SLIT3: variants seen among roughly 807,000 people sequenced by gnomAD.
SLIT3 encodes the protein slit homolog 3 protein.
Under a neutral mutation model 184.0 loss-of-function variants are expected in SLIT3, and 68 were observed. That is an observed-to-expected ratio of 0.37 (90% CI 0.30 to 0.45). The LOEUF (loss-of-function observed/expected upper bound fraction) is 0.45. Among genes scored for constraint, SLIT3 ranks in the 20% least tolerant of loss-of-function variants. The pLI is 1.00. For synonymous variants in SLIT3, 831 were observed against 828.6 expected (o/e 1.00, Z -0.05); for missense variants, 1,707 against 2,026.0 (o/e 0.84, Z 3.02).
intron 4 of SLIT3, among the ~76,000 whole-genome samples, chr5:169,140,308 CAAAAAAAAAAAAAA>C (rs10536624): frequency 9.5e-5 from 4 of 42,046 alleles, no homozygotes; most frequent in Non-Finnish European, 1.8e-4. Context: ...ACTAAAAATG[CAAAAAAAAAAAAAA>C]AAAAAAAAAA....
intron 1 of SLIT3, among the ~76,000 whole-genome samples, chr5:169,266,598 C>T (rs1766404495): frequency 6.6e-6 from 1 of 152,154 alleles, no homozygotes; most frequent in Non-Finnish European, 1.5e-5. Context: ...CATAAGCCAC[C>T]TACCACCACC....
At chr5:168,878,665 C>T (rs535720139) in intron 5 of SLIT3, among the ~76,000 whole-genome samples, 1 of 151,506 alleles carries the variant, frequency 6.6e-6, no homozygotes, top group East Asian at 1.9e-4. Context: ...AACTTATACA[C>T]ATTGATGAAA....
intron 4 of SLIT3, among the ~76,000 whole-genome samples, chr5:168,949,212 G>C (rs2113233547): frequency 6.6e-6 from 1 of 152,324 alleles, no homozygotes; most frequent in Admixed American, 6.5e-5. Context: ...AACCTGACTG[G>C]ATTTGGTTAA....
At chr5:169,226,794 A>G (rs540688712) in intron 3 of SLIT3, among the ~76,000 whole-genome samples, 1 of 152,180 alleles carries the variant, frequency 6.6e-6, no homozygotes, top group Admixed American at 6.5e-5. Context: ...AGGCTCAAAG[A>G]CTCAGGTAAG....
Position 168,762,575 on chromosome 5 carries a change from C to A in SLIT3, c.1574G>T (p.Arg525Leu), listed in dbSNP as rs369305666. Residue 525 changes from arginine (R) to leucine (L), a missense_variant, in exon 15 of 36, where the codon CGC becomes CTC. Physicochemically the swap from Arg to Leu is moderately radical, Grantham distance 102. Around this residue, in one of 3 missense-constraint regions of SLIT3, gnomAD observed 1,307 missense variants for 1,511.6 expected, o/e 0.86. Transcript: ENST00000519560. ...ATATTCAGGGAGGTGGCTTGGGATG[C>A]GGACCAGCTTCTGGTTGGAGCAGTC... ...IVDCSNQKLV[R>L]IPSHLPEYVT... The A allele has an allele frequency of 3.1e-6, 5 of 1,613,852 alleles. No individual in the cohort carries two copies. Among genetic ancestry groups the A allele is most frequent in the East Asian group, 2.2e-5 (1 of 44,874 alleles).
At chr5:168,854,365 G>A (rs1192196382) in intron 5 of SLIT3, among the ~76,000 whole-genome samples, 3 of 147,248 alleles carry the variant, frequency 2.0e-5, no homozygotes, top group Non-Finnish European at 3.0e-5. Flanking sequence ...GGGGTGGGGG[G>A]AGCAGCACAC....
At chr5:169,272,233 T>A (rs1766652621) in intron 1 of SLIT3, among the ~76,000 whole-genome samples, 1 of 152,194 alleles carries the variant, frequency 6.6e-6, no homozygotes, top group Non-Finnish European at 1.5e-5. Flanking sequence ...ACCACACACC[T>A]CCACCCTGAC....
intron 4 of SLIT3, among the ~76,000 whole-genome samples, chr5:168,987,282 T>C (rs1755162470): frequency 6.6e-6 from 1 of 152,224 alleles, no homozygotes; most frequent in African/African-American, 2.4e-5. Context: ...TCTTCCTTTA[T>C]GTTCACCAAG....
At chr5:168,986,987 G>T (rs1308302750) in intron 4 of SLIT3, among the ~76,000 whole-genome samples, 3 of 152,232 alleles carry the variant, frequency 2.0e-5, no homozygotes, top group African/African-American at 7.2e-5. Context: ...GGCAGAGGTT[G>T]CAGTGAGCTG....
intron 1 of SLIT3, among the ~76,000 whole-genome samples, chr5:169,265,411 G>A (rs1766360112): frequency 6.6e-6 from 1 of 152,132 alleles, no homozygotes; most frequent in African/African-American, 2.4e-5. Context: ...ATCATAAGCT[G>A]GTACTAAGAG....
At chr5:168,960,379 GC>G (rs1232858881) in intron 4 of SLIT3, among the ~76,000 whole-genome samples, 1 of 152,192 alleles carries the variant, frequency 6.6e-6, no homozygotes, top group Admixed American at 6.5e-5. Context: ...CCTACTATAT[GC>G]CAGGAATTGT....
At position 169,098,814 on chromosome 5, in the gene SLIT3, C is replaced by T. The variant is rs138434676; in HGVS notation, c.413+94665G>A. 9.9e-3 allele frequency among the ~76,000 whole-genome samples: 1,513 copies of T among 152,324 alleles called. 13 individuals are homozygous for T. The highest frequency in any genetic ancestry group is 0.027 in the Middle Eastern group (8 of 294). Reference sequence around the variant, plus strand: ...AGCAGGATTCACATTTTTCCAACCTCTTTGTACTTTTCTCTCCCAAAGGAG... The same window carrying T: ...AGCAGGATTCACATTTTTCCAACCTTTTTGTACTTTTCTCTCCCAAAGGAG... On this transcript the variant is annotated intron_variant, in intron 4 of 35. Coordinates refer to ENST00000519560, the MANE Select transcript of SLIT3 (RefSeq NM_003062.4).
intron 4 of SLIT3, among the ~76,000 whole-genome samples, chr5:169,178,130 C>A (rs1763039634): frequency 6.6e-6 from 1 of 152,236 alleles, no homozygotes; most frequent in Non-Finnish European, 1.5e-5. Context: ...GTATCATCAA[C>A]ATCCTTTTCT....
intron 4 of SLIT3, among the ~76,000 whole-genome samples, chr5:168,929,816 A>G (rs1430926395): frequency 6.6e-6 from 1 of 152,228 alleles, no homozygotes; most frequent in East Asian, 1.9e-4. Flanking sequence ...TGGAATGCAT[A>G]TGGGCCACGG....
At chr5:169,199,581 A>G (rs1763851219) in intron 3 of SLIT3, among the ~76,000 whole-genome samples, 1 of 152,156 alleles carries the variant, frequency 6.6e-6, no homozygotes, top group African/African-American at 2.4e-5. Context: ...AGCACTTTAC[A>G]TGCACTACCT....
chr5:169,249,811 A>C (rs1237088239), intron 2 of SLIT3, among the ~76,000 whole-genome samples: 1 of 152,234 alleles, frequency 6.6e-6, no homozygotes, highest in Non-Finnish European at 1.5e-5. Flanking sequence ...TGCTGGGGCA[A>C]AAGACTTGGC....
At chr5:168,731,356 T>G (rs1453997109) in intron 20 of SLIT3, among the ~76,000 whole-genome samples, 1 of 151,862 alleles carries the variant, frequency 6.6e-6, no homozygotes, top group Non-Finnish European at 1.5e-5. Context: ...GATGAATTCA[T>G]AGCTGAATTC....
At chr5:169,265,553 T>C (rs901761013) in intron 1 of SLIT3, among the ~76,000 whole-genome samples, 3 of 152,194 alleles carry the variant, frequency 2.0e-5, no homozygotes, top group African/African-American at 7.2e-5. Flanking sequence ...AACATAGCGC[T>C]TAAGGTGGCA....
intron 4 of SLIT3, among the ~76,000 whole-genome samples, chr5:169,003,625 T>C (rs997224856): frequency 2.0e-5 from 3 of 152,226 alleles, no homozygotes; most frequent in Non-Finnish European, 4.4e-5. Flanking sequence ...TCCCAGACTT[T>C]TCTGAGAGAA....
Sources: allele counts gnomAD v4.1 joint callset (sites outside exome capture counted in the v4.1 genomes callset), GRCh38; gene constraint gnomAD v4.1.1; regional missense constraint gnomAD v4.1.1; transcripts MANE v1.5; gene names NCBI Gene and HGNC (gene_info 2026-07-23, HGNC 2026-07-21).